LRRC23: variants seen among roughly 807,000 people sequenced by gnomAD.
LRRC23 encodes leucine rich repeat containing 23.
In LRRC23, 28 loss-of-function variants were observed where a neutral mutation model predicts 37.7. The observed-to-expected ratio is 0.74, with a 90% CI of 0.55 to 1.02. The LOEUF (loss-of-function observed/expected upper bound fraction) is 1.02. LRRC23 is among the 50% of genes least tolerant of loss of function. LRRC23 has a pLI of 0.00. For synonymous variants in LRRC23, 161 were observed against 165.4 expected, an observed-to-expected ratio of 0.97 and a Z score of 0.20; for missense variants, 377 against 413.2, an observed-to-expected ratio of 0.91 and a Z score of 0.76.
chr12:6,912,672 G>A (rs1945190391), intron 6 of LRRC23, 58 bp from the exon 7 acceptor site: 3 of 1,508,338 alleles, frequency 2.0e-6, no homozygotes, highest in South Asian at 2.3e-5. Flanking sequence ...CCCATTCCTA[G>A]CAACTGGCAA....
Position 6,912,866 on chromosome 12 carries a change from C to T in LRRC23, c.895C>T (p.Leu299Phe), listed in dbSNP as rs782461195. The T allele has an allele frequency of 1.9e-6, 3 of 1,614,162 alleles. No homozygotes were observed. The highest frequency in any genetic ancestry group is 2.5e-6 in the Non-Finnish European group (3 of 1,180,042). The change falls in exon 7 of 8, where the codon CTT becomes TTT. Residue 299 changes from leucine (L) to phenylalanine (F), a missense_variant. Physicochemically the swap from Leu to Phe is conservative, Grantham distance 22 (BLOSUM62 0). Transcript: ENST00000443597. Reference sequence around the variant, plus strand: ...GGAGGCCCTGGTGCAGATGCCATACCTTGAACGCCTGGACAAGGAATTCTA... The same window carrying T: ...GGAGGCCCTGGTGCAGATGCCATACTTTGAACGCCTGGACAAGGAATTCTA... ...RQEALVQMPY[L>F]ERLDKEFYEE...
rs782425495 is a variant in LRRC23 at position 6,913,902 on chromosome 12, C to T, written c.*36C>T. The T allele has an allele frequency of 1.9e-6, 3 of 1,591,720 alleles. No individual in the cohort carries two copies. The highest frequency in any genetic ancestry group is 1.1e-5 in the South Asian group (1 of 87,898). ...TCTTCTACCTCCAGGAGATCAAAGA[C>T]GCTGGCCTTCAGACCTGATCAGACT... is the stretch of plus-strand genomic sequence containing the variant. On this transcript the variant is annotated 3_prime_UTR_variant, in exon 8 of 8. Transcript: ENST00000443597.
chr12:6,909,867 T>C, intron 5 of LRRC23, 23 bp from the exon 6 acceptor site: 2 of 1,598,340 alleles, frequency 1.3e-6, no homozygotes, highest in Non-Finnish European at 1.7e-6. Context: ...TCTCAATCAA[T>C]CCACTGTGCC....
intron 5 of LRRC23, among the ~76,000 whole-genome samples, chr12:6,908,524 A>C (rs1555140007): frequency 6.8e-6 from 1 of 146,602 alleles, no homozygotes; most frequent in African/African-American, 2.5e-5. Flanking sequence ...TTGAACCCAG[A>C]AGGCAGAGTT....
chr12:6,910,073 T>G, intron 6 of LRRC23, 47 bp downstream of exon 6: 7 of 1,550,812 alleles, frequency 4.5e-6, no homozygotes, highest in Non-Finnish European at 6.1e-6. Flanking sequence ...CCTGACCAGG[T>G]GCAGCTTTTG....
chr12:6,909,557 T>C (rs1945107673), intron 5 of LRRC23, among the ~76,000 whole-genome samples: 1 of 139,568 alleles, frequency 7.2e-6, no homozygotes, highest in Non-Finnish European at 1.5e-5. Context: ...TTTAGACTCT[T>C]AAGCTTCGTT....
chr12:6,905,881 G>A lies in LRRC23; in HGVS notation c.163G>A (p.Glu55Lys). The A allele has an allele frequency of 6.2e-7, 1 of 1,614,030 alleles. No homozygotes were observed. Among genetic ancestry groups the A allele is most frequent in the Non-Finnish European group, 8.5e-7 (1 of 1,180,004 alleles). ...PTPLTEDMMK[E>K]GLSLLCKTGN... ...CCCCCTCACGGAGGACATGATGAAG[G>A]AAGGGCTTTCTCTGCTCTGTAAGAC... The change falls in exon 3 of 8, where the codon GAA (glutamate) becomes AAA (lysine). Residue 55 changes from glutamate to lysine, a missense_variant. This residue lies in a region of LRRC23 where 106 missense variants were observed against 105.9 expected (regional missense o/e 1.00). Coordinates refer to ENST00000443597, the MANE Select transcript of LRRC23 (RefSeq NM_001135217.2).
At chr12:6,908,702 T>C (rs1246935454) in intron 5 of LRRC23, among the ~76,000 whole-genome samples, 2 of 147,354 alleles carry the variant, frequency 1.4e-5, no homozygotes, top group Admixed American at 6.8e-5. Flanking sequence ...CAGGCACCTG[T>C]AGTCCCAGCT....
chr12:6,905,960 T>G lies in LRRC23; in HGVS notation c.236+6T>G, dbSNP rs1458495151. 1.9e-6 allele frequency: 3 copies of G among 1,611,610 alleles called. No individual in the cohort carries two copies. In the African/African-American group the frequency reaches 4.0e-5, roughly 22 times the overall value. ...AAGCTGGAGGTTAAAGAGAGGTGCG[T>G]TTTGGGGGGACCAGATGAGGACTGT... On this transcript the variant is annotated splice_donor_region_variant and intron_variant, in intron 3 of 7. Transcript: ENST00000443597.
chr12:6,909,078 A>AAGCTTCGTTATTCTGGGATGGTGC (rs1565553339), intron 5 of LRRC23, among the ~76,000 whole-genome samples: 1 of 43,358 alleles, frequency 2.3e-5, no homozygotes, highest in African/African-American at 1.8e-4. Context: ...TATATTATAT[A>AAGCTTCGTTATTCTGGGATGGTGC]TTATATAATT....
At chr12:6,909,125 TAATATATA>T (rs1565553494) in intron 5 of LRRC23, among the ~76,000 whole-genome samples, 3 of 28,362 alleles carry the variant, frequency 1.1e-4, no homozygotes, top group African/African-American at 9.9e-4. Context: ...ATATAATATA[TAATATATA>T]ATTATATATT....
At position 6,906,556 on chromosome 12, in the gene LRRC23, C is replaced by T. The variant is rs116689978; in HGVS notation, c.384C>T (p.Ala128=). ...CTGATGGCAATCGGCTGCGAAGTGCCCAGATGAATGAACTGCCCTACCTGC... is the reference window on the plus strand; with the variant it reads ...CTGATGGCAATCGGCTGCGAAGTGCTCAGATGAATGAACTGCCCTACCTGC... ...LKADGNRLRS[A]QMNELPYLQI... Residue 128 remains alanine, a synonymous_variant, in exon 4 of 8, where the codon GCC becomes GCT. Coordinates refer to ENST00000443597, the MANE Select transcript of LRRC23 (RefSeq NM_001135217.2). 1,521 of 1,614,206 alleles carry T rather than the reference C, an allele frequency of 9.4e-4. 6 individuals carry two copies. The highest frequency in any genetic ancestry group is 2.4e-3 in the South Asian group (217 of 91,086).
rs1248085636 is a variant in LRRC23 at position 6,913,551 on chromosome 12, G to GTTTTTTTTTTTTTTTTTTTTTTTT, written c.*25-337_*25-336insTTTTTTTTTTTTTTTTTTTTTTTT. Among the ~76,000 whole-genome samples the GTTTTTTTTTTTTTTTTTTTTTTTT allele has an allele frequency of 1.4e-4, 11 of 78,124 alleles. 3 individuals carry two copies. The highest frequency in any genetic ancestry group is 4.1e-4 in the African/African-American group (8 of 19,518). The allele number at this position is 78,124 out of a possible 152,430, so 51.3% of individuals were successfully genotyped here. A position where few individuals can be genotyped will look rare whatever the true frequency, so the allele number is the denominator to read the frequency against. ...TAGGGGAGAGGCTTTATTTACCTCTGTTTGTTTTTTTTTTTTTTTTTTTTT... is the reference window on the plus strand; with the variant it reads ...TAGGGGAGAGGCTTTATTTACCTCTGTTTTTTTTTTTTTTTTTTTTTTTTTTTGTTTTTTTTTTTTTTTTTTTTT... On this transcript the variant is annotated intron_variant, in intron 7 of 7. Transcript: ENST00000443597.
intron 3 of LRRC23, 136 bp downstream of exon 3, chr12:6,906,090 T>A: frequency 2.5e-6 from 2 of 794,846 alleles, no homozygotes; most frequent in Non-Finnish European, 2.0e-6. Context: ...CAGAATTTAC[T>A]TTTCAGGAGC....
rs1945213316 is a variant in LRRC23, at chr12:6,913,249, G to T, written c.*24+222G>T. 5.7e-6 allele frequency: 3 copies of T among 525,470 alleles called. No homozygotes were observed. The South Asian group carries it at 7.0e-5, about 12-fold the overall frequency. The allele number at this position is 525,470 out of a possible 1,614,324, so 32.6% of individuals were successfully genotyped here. On this transcript the variant is annotated intron_variant, in intron 7 of 7. Coordinates refer to ENST00000443597, the MANE Select transcript of LRRC23 (RefSeq NM_001135217.2). The stretch of plus-strand genomic sequence containing the variant: ...AGGAGGCCAGAAGAGTAAGTGAAAA[G>T]AATTGGGGTGGCAGGCAGAGGAGTT...
At chr12:6,909,134 A>T (rs1591639835) in intron 5 of LRRC23, among the ~76,000 whole-genome samples, 1 of 13,622 alleles carries the variant, frequency 7.3e-5, no homozygotes, top group Non-Finnish European at 9.2e-5. Flanking sequence ...ATAATATATA[A>T]TTATATATTA....
In LRRC23 at chr12:6,913,931, A is replaced by AG. The variant is rs782743718; in HGVS notation, c.*69dup. ...GGCCTTCAGACCTGATCAGACTCCC[A>AG]GGGGCAGCCACCACATGTATGACAG... is the stretch of plus-strand genomic sequence containing the variant. On this transcript the variant is annotated 3_prime_UTR_variant, in exon 8 of 8. Coordinates refer to ENST00000443597, the MANE Select transcript of LRRC23 (RefSeq NM_001135217.2). 8.1e-6 allele frequency: 13 copies of AG among 1,610,930 alleles called. No individual in the cohort carries two copies. The South Asian group carries it at 1.3e-4, about 16-fold the overall frequency.
At position 6,912,798 on chromosome 12, in the gene LRRC23, T is replaced by C. The variant is rs1555140929; in HGVS notation, c.827T>C (p.Val276Ala). The part of the protein sequence containing the change: ...LRDLPKLRAL[V>A]LLDNPCTDET... Reference sequence around the variant, plus strand: ...GACCTGCCCAAGCTGCGAGCGTTGGTGCTGCTTGATAACCCATGCACGGAC... The same window carrying C: ...GACCTGCCCAAGCTGCGAGCGTTGGCGCTGCTTGATAACCCATGCACGGAC... Residue 276 changes from valine (V) to alanine (A), a missense_variant, in exon 7 of 8, where the codon GTG becomes GCG. Val to Ala is a moderately conservative substitution (Grantham distance 64). Around this residue, in one of 3 missense-constraint regions of LRRC23, gnomAD observed 266 missense variants for 285.6 expected, o/e 0.93. Transcript: ENST00000443597. The C allele has an allele frequency of 6.2e-7, 1 of 1,614,160 alleles. No individual in the cohort carries two copies. The highest frequency in any genetic ancestry group is 1.1e-5 in the South Asian group (1 of 91,086).
intron 5 of LRRC23, 139 bp from the exon 6 acceptor site, chr12:6,909,751 T>C: frequency 1.4e-6 from 1 of 721,106 alleles, no homozygotes; most frequent in Non-Finnish European, 2.3e-6. Flanking sequence ...TATACTGATC[T>C]CTACTCACCC....
Sources: gnomAD v4.1 joint callset for allele counts (sites outside exome capture counted in the v4.1 genomes callset) on GRCh38, gnomAD v4.1.1 for gene constraint, gnomAD v4.1.1 regional missense constraint, MANE v1.5 for transcripts, NCBI Gene and HGNC (gene_info 2026-07-23, HGNC 2026-07-21) for gene names.